Variants in GRIA4 observed in about 807,000 individuals in gnomAD.
GRIA4 encodes glutamate receptor 4.
A neutral mutation model predicts 104.0 loss-of-function variants in GRIA4; 34 were observed. The observed-to-expected ratio is 0.33, with a 90% CI of 0.25 to 0.44. The LOEUF is 0.44. Among genes scored for constraint, GRIA4 ranks in the 20% least tolerant of loss-of-function variants. The pLI is 1.00. For missense variants in GRIA4, 750 were observed against 1,096.5 expected (o/e 0.68, Z 4.46); for synonymous variants, 386 against 381.9 (o/e 1.01, Z -0.13).
intron 10 of GRIA4, among the ~76,000 whole-genome samples, chr11:105,915,614 A>G (rs1947375807): frequency 1.3e-5 from 2 of 152,206 alleles, no homozygotes; most frequent in African/African-American, 2.4e-5. Flanking sequence ...TCTATATGCC[A>G]GACACTATGA....
At chr11:105,957,130 A>G (rs1298401909) in intron 14 of GRIA4, among the ~76,000 whole-genome samples, 1 of 152,066 alleles carries the variant, frequency 6.6e-6, no homozygotes. Context: ...CCCATTTGCC[A>G]ATTTTTGCTT....
chr11:105,783,746 G>T (rs1490099667), intron 4 of GRIA4, among the ~76,000 whole-genome samples: 1 of 31,370 alleles, frequency 3.2e-5, no homozygotes, highest in East Asian at 8.1e-4. Flanking sequence ...GATGTTATTT[G>T]TGTGTGTGTG....
At chr11:105,861,124 A>G (rs1945207790) in intron 4 of GRIA4, among the ~76,000 whole-genome samples, 1 of 152,044 alleles carries the variant, frequency 6.6e-6, no homozygotes, top group Admixed American at 6.6e-5. Context: ...ACATGCAGAG[A>G]GAACTAGATC....
chr11:105,728,569 T>C (rs2135597789), intron 3 of GRIA4, among the ~76,000 whole-genome samples: 1 of 152,268 alleles, frequency 6.6e-6, no homozygotes, highest in East Asian at 1.9e-4. Flanking sequence ...AAGCACCACA[T>C]AGCACTTATT....
At chr11:105,951,191 A>G (rs372419817) in intron 14 of GRIA4, among the ~76,000 whole-genome samples, 1 of 152,244 alleles carries the variant, frequency 6.6e-6, no homozygotes, top group African/African-American at 2.4e-5. Context: ...TGGAAATCAC[A>G]TAAGGAGATG....
intron 3 of GRIA4, among the ~76,000 whole-genome samples, chr11:105,635,837 T>A (rs917114423): frequency 2.0e-5 from 3 of 152,204 alleles, no homozygotes; most frequent in African/African-American, 7.2e-5. Flanking sequence ...CCTAACCTCA[T>A]ATATTTTAAC....
chr11:105,914,172 A>G (rs2136174685), intron 10 of GRIA4, among the ~76,000 whole-genome samples: 1 of 151,966 alleles, frequency 6.6e-6, no homozygotes, highest in South Asian at 2.1e-4. Context: ...TAAATCAGTT[A>G]GTTTTTAAAT....
intron 3 of GRIA4, among the ~76,000 whole-genome samples, chr11:105,675,190 A>C (rs1952497511): frequency 6.6e-6 from 1 of 151,880 alleles, no homozygotes; most frequent in African/African-American, 2.4e-5. Context: ...ATGGTGAGGT[A>C]GAGCAAATTC....
At chr11:105,862,939 G>A (rs978771857) in intron 5 of GRIA4, among the ~76,000 whole-genome samples, 1 of 152,088 alleles carries the variant, frequency 6.6e-6, no homozygotes, top group Admixed American at 6.6e-5. Context: ...AGCTTTAAAG[G>A]CTCTTTGGCC....
chr11:105,909,620 A>C (rs1947161638), intron 9 of GRIA4, among the ~76,000 whole-genome samples: 1 of 152,176 alleles, frequency 6.6e-6, no homozygotes. Context: ...GTATACTTTT[A>C]AAAAGCATTG....
chr11:105,829,529 G>A lies in GRIA4; in HGVS notation c.488-32495G>A, dbSNP rs546267921. On this transcript the variant is annotated intron_variant, in intron 4 of 16. Coordinates refer to ENST00000282499, the MANE Select transcript of GRIA4 (RefSeq NM_000829.4). ...GCCATCGCAATTGTGTTTGTGAAAA[G>A]TGAAGGGACTTTGCCAGGCAGTTTA... 4.6e-5 allele frequency among the ~76,000 whole-genome samples: 7 copies of A among 152,042 alleles called. No individual in the cohort carries two copies. In the South Asian group the frequency reaches 1.5e-3, roughly 32 times the overall value.
chr11:105,937,307 T>TCTA lies in GRIA4; in HGVS notation c.2294+3342_2294+3344dup, dbSNP rs566581479. Among the ~76,000 whole-genome samples the TCTA allele has an allele frequency of 9.8e-5, 15 of 152,300 alleles. No individual in the cohort carries two copies. The East Asian group carries it at 2.3e-3, about 23-fold the overall frequency. ...ATACAAGTTGATTATAATATAGACA[T>TCTA]CTACTATACTATAGTATTTATGGTA... On this transcript the variant is annotated intron_variant, in intron 14 of 16. Coordinates refer to ENST00000282499, the MANE Select transcript of GRIA4 (RefSeq NM_000829.4).
intron 4 of GRIA4, among the ~76,000 whole-genome samples, chr11:105,795,766 T>C (rs1386079370): frequency 2.0e-5 from 3 of 152,276 alleles, no homozygotes; most frequent in Middle Eastern, 3.4e-3. Flanking sequence ...AAAATCAACA[T>C]GGTGCTAGAA....
chr11:105,747,916 G>A (rs566959169), intron 3 of GRIA4, among the ~76,000 whole-genome samples: 12 of 152,092 alleles, frequency 7.9e-5, no homozygotes, highest in Non-Finnish European at 1.3e-4. Context: ...ACTAAACTTC[G>A]ACACATACTT....
At chr11:105,674,071 T>C (rs566269283) in intron 3 of GRIA4, among the ~76,000 whole-genome samples, 1 of 152,168 alleles carries the variant, frequency 6.6e-6, no homozygotes, top group South Asian at 2.1e-4. Context: ...GAACTTGTTA[T>C]TTGCCTGCAA....
intron 3 of GRIA4, among the ~76,000 whole-genome samples, chr11:105,615,024 C>T (rs1277639602): frequency 6.6e-6 from 1 of 151,688 alleles, no homozygotes; most frequent in Non-Finnish European, 1.5e-5. Flanking sequence ...TTAAATTTGT[C>T]ATGTTAGATT....
chr11:105,842,745 C>G (rs548977243), intron 4 of GRIA4: 1 of 152,108 alleles, frequency 6.6e-6, no homozygotes. Context: ...GAAAGCAATA[C>G]GATACAATAA....
chr11:105,868,486 G>A (rs1483141458), intron 5 of GRIA4, among the ~76,000 whole-genome samples: 1 of 152,090 alleles, frequency 6.6e-6, no homozygotes, highest in Non-Finnish European at 1.5e-5. Context: ...GATGATAGGG[G>A]TTCAAACAAC....
Position 105,753,307 on chromosome 11 carries a change from T to C in GRIA4, c.487+87T>C, listed in dbSNP as rs1940115069. ...TATGACTTCGGTTTTTAGCAAATTG[T>C]TTGATCTCTAACATCACTAAAATCA... On this transcript the variant is annotated intron_variant, in intron 4 of 16. Coordinates refer to ENST00000282499, the MANE Select transcript of GRIA4 (RefSeq NM_000829.4). 8.3e-6 allele frequency: 10 copies of C among 1,197,670 alleles called. No individual in the cohort carries two copies. The South Asian group carries it at 1.2e-4, about 14-fold the overall frequency. The allele number at this position is 1,197,670 out of a possible 1,614,324, so 74.2% of individuals were successfully genotyped here.
Sources: allele counts gnomAD v4.1 joint callset (sites outside exome capture counted in the v4.1 genomes callset), GRCh38; gene constraint gnomAD v4.1.1; transcripts MANE v1.5; gene names NCBI Gene and HGNC (gene_info 2026-07-23, HGNC 2026-07-21).